AMD1: variants seen among roughly 807,000 people sequenced by gnomAD.
AMD1 encodes S-adenosylmethionine decarboxylase proenzyme.
Under a neutral mutation model 40.2 loss-of-function variants are expected in AMD1, and 11 were observed. The observed-to-expected ratio is 0.27, with a 90% CI of 0.17 to 0.45. AMD1 has a LOEUF of 0.45. Ranked by LOEUF, AMD1 falls within the 20% of genes least tolerant of loss-of-function variation. The pLI, the probability that AMD1 is intolerant of heterozygous loss-of-function variation, is 1.00. For synonymous variants in AMD1, 121 were observed against 130.8 expected (o/e 0.93, Z 0.51); for missense variants, 257 against 410.2 (o/e 0.63, Z 3.23).
the AMD1 span, among the ~76,000 whole-genome samples, chr6:110,835,281 G>A: frequency 2.0e-5 from 3 of 151,872 alleles, no homozygotes; most frequent in Non-Finnish European, 2.9e-5. Context: ...GCCTCCCAAA[G>A]TGCTGGGATT....
chr6:110,834,774 T>A, the AMD1 span, among the ~76,000 whole-genome samples: 2 of 151,728 alleles, frequency 1.3e-5, no homozygotes, highest in Non-Finnish European at 2.9e-5. Flanking sequence ...CTGGCCAACG[T>A]GGTGAAACCC....
chr6:110,873,033 A>G (rs1033421608), upstream of AMD1, among the ~76,000 whole-genome samples: 15 of 152,136 alleles, frequency 9.9e-5, no homozygotes, highest in African/African-American at 3.4e-4. Context: ...AATAAGCAAC[A>G]TTTATTATCT....
intron 1 of AMD1, among the ~76,000 whole-genome samples, chr6:110,879,828 T>C (rs1785308179): frequency 6.6e-6 from 1 of 152,228 alleles, no homozygotes; most frequent in Non-Finnish European, 1.5e-5. Flanking sequence ...TGGAAGCTTT[T>C]CAAATAAAAA....
At chr6:110,814,626 C>G in the AMD1 span, 3 of 475,672 alleles carry the variant, frequency 6.3e-6, no homozygotes, top group South Asian at 3.1e-5. Flanking sequence ...CGTCACTACC[C>G]AGGGCCGGAG....
chr6:110,874,217 G>A (rs1202939900), upstream of AMD1, among the ~76,000 whole-genome samples: 1 of 152,242 alleles, frequency 6.6e-6, no homozygotes, highest in Non-Finnish European at 1.5e-5. Flanking sequence ...GCCAAGGCGT[G>A]AGCAGAATTA....
chr6:110,858,606 C>A, the AMD1 span: 15 of 1,557,496 alleles, frequency 9.6e-6, no homozygotes, highest in Non-Finnish European at 1.3e-5. Flanking sequence ...CTGCAGGTGT[C>A]TCTTCTCGCC....
chr6:110,848,754 G>A, the AMD1 span: 10 of 256,676 alleles, frequency 3.9e-5, no homozygotes, highest in African/African-American at 1.8e-4. Flanking sequence ...GCTAAAGCCT[G>A]CAATCTCCAC....
chr6:110,867,112 CCAA>C, the AMD1 span, among the ~76,000 whole-genome samples: 1 of 151,580 alleles, frequency 6.6e-6, no homozygotes, highest in African/African-American at 2.4e-5. Context: ...CGGGCCTGGC[CCAA>C]CAACACTTTC....
chr6:110,858,296 A>G, the AMD1 span: 1 of 910,192 alleles, frequency 1.1e-6, no homozygotes, highest in Non-Finnish European at 1.8e-6. Flanking sequence ...CGAGATCAAG[A>G]ACCGGCTCCT....
the AMD1 span, among the ~76,000 whole-genome samples, chr6:110,836,022 A>G: frequency 6.6e-6 from 1 of 151,442 alleles, no homozygotes; most frequent in Non-Finnish European, 1.5e-5. Flanking sequence ...CAAAAAAAAA[A>G]AAAAAAAAAA....
the AMD1 span, chr6:110,858,404 G>A: frequency 1.2e-6 from 1 of 867,584 alleles, no homozygotes; most frequent in Non-Finnish European, 2.0e-6. Context: ...GGGCCTGAAG[G>A]ACGGGATTAG....
At chr6:110,822,086 G>C in the AMD1 span, among the ~76,000 whole-genome samples, 1 of 151,784 alleles carries the variant, frequency 6.6e-6, no homozygotes, top group South Asian at 2.1e-4. Flanking sequence ...GAAAATAAGA[G>C]AGAAGGCCTG....
chr6:110,849,934 G>A, the AMD1 span, among the ~76,000 whole-genome samples: 2 of 151,656 alleles, frequency 1.3e-5, no homozygotes, highest in African/African-American at 4.8e-5. Context: ...TGGGGGGCGG[G>A]GAATCTCTTG....
chr6:110,818,299 G>A, the AMD1 span, among the ~76,000 whole-genome samples: 3 of 152,108 alleles, frequency 2.0e-5, no homozygotes, highest in Non-Finnish European at 4.4e-5. Flanking sequence ...CAAAAAAAGG[G>A]GGATAGGAAG....
the AMD1 span, among the ~76,000 whole-genome samples, chr6:110,855,864 T>C: frequency 3.9e-5 from 6 of 152,082 alleles, no homozygotes; most frequent in South Asian, 1.2e-3. Context: ...GTGGATCACT[T>C]GAGTCCAGGA....
chr6:110,821,409 C>T, the AMD1 span, among the ~76,000 whole-genome samples: 1 of 152,124 alleles, frequency 6.6e-6, no homozygotes, highest in South Asian at 2.1e-4. Flanking sequence ...CCAGCCTGGC[C>T]AAGAGACCAC....
chr6:110,892,728 C>CA lies in AMD1; in HGVS notation c.616-7_616-6insA, dbSNP rs777312678. 3.1e-6 allele frequency: 5 copies of CA among 1,608,016 alleles called. No homozygotes were observed. The highest frequency in any genetic ancestry group is 1.7e-5 in the Admixed American group (1 of 59,764). ...CCTTGTTAAACTCGGTCTTTTTCCC[C>CA]CCCCAGGAGAGTGGAATTCGTGACC... is the stretch of plus-strand genomic sequence containing the variant. On this transcript the variant is annotated splice_region_variant and splice_polypyrimidine_tract_variant and intron_variant, in intron 6 of 8. Coordinates refer to ENST00000368885, the MANE Select transcript of AMD1 (RefSeq NM_001634.6).
chr6:110,846,512 G>A, the AMD1 span, among the ~76,000 whole-genome samples: 3 of 152,066 alleles, frequency 2.0e-5, no homozygotes, highest in East Asian at 1.9e-4. Flanking sequence ...TAACATTTAC[G>A]ATTAAATTCA....
At chr6:110,842,193 A>C in the AMD1 span, among the ~76,000 whole-genome samples, 3 of 152,110 alleles carry the variant, frequency 2.0e-5, no homozygotes, top group Non-Finnish European at 2.9e-5. Context: ...AGTCTCTCAC[A>C]TTTCTGCCCA....
Sources: gnomAD v4.1 joint callset for allele counts (sites outside exome capture counted in the v4.1 genomes callset) on GRCh38, gnomAD v4.1.1 for gene constraint, MANE v1.5 for transcripts, NCBI Gene and HGNC (gene_info 2026-07-23, HGNC 2026-07-21) for gene names.